SYNJ2: variants seen among roughly 807,000 people sequenced by gnomAD.
SYNJ2 encodes the protein synaptojanin 2.
SYNJ2 carries 116 observed loss-of-function variants against 141.3 expected under a neutral mutation model. The ratio of observed to expected loss-of-function variants is 0.82; its 90% CI spans 0.71 to 0.96. The LOEUF (loss-of-function observed/expected upper bound fraction) is 0.96. Ranked by LOEUF, SYNJ2 falls within the 40% of genes least tolerant of loss-of-function variation. The probability of loss-of-function intolerance (pLI) is 0.00; values close to 1 mark genes in which losing one functional copy is unlikely to be tolerated. For missense variants in SYNJ2, 1,873 were observed against 1,934.8 expected, an observed-to-expected ratio of 0.97 and a Z score of 0.60; for synonymous variants, 745 against 777.7, an observed-to-expected ratio of 0.96 and a Z score of 0.70.
At chr6:158,078,516 T>C (rs1437445847) in intron 18 of SYNJ2, 1 of 312,400 alleles carries the variant, frequency 3.2e-6, no homozygotes, top group Admixed American at 4.6e-5. Flanking sequence ...ATGACATCAT[T>C]GATGAAAATT....
chr6:158,067,872 C>T (rs1781660427), intron 12 of SYNJ2: 1 of 985,138 alleles, frequency 1.0e-6, no homozygotes, highest in Non-Finnish European at 1.2e-6. Context: ...CCGGAGCAGG[C>T]CCATCAACGC....
chr6:158,076,518 T>C (rs554681507), intron 16 of SYNJ2, 108 bp from the exon 17 acceptor site: 1 of 1,248,612 alleles, frequency 8.0e-7, no homozygotes, highest in Non-Finnish European at 1.1e-6. Flanking sequence ...TAATGGAGCT[T>C]CTGTTACTTT....
At chr6:157,981,497 C>A (rs1286453005), upstream of SYNJ2, among the ~76,000 whole-genome samples, 3 of 152,170 alleles carry the variant, frequency 2.0e-5, no homozygotes, top group Non-Finnish European at 4.4e-5. This position sits in a 1 kb window ranked among gnomAD's most constrained non-coding sequence, Gnocchi z 6.4. Flanking sequence ...GGAGGCGCAG[C>A]GCCCCCGGCG....
intron 15 of SYNJ2, among the ~76,000 whole-genome samples, chr6:158,072,898 C>G (rs1406450187): frequency 6.6e-6 from 1 of 151,750 alleles, no homozygotes; most frequent in Non-Finnish European, 1.5e-5. Context: ...GGTGAAACCC[C>G]ACCTCTACTG....
intron 5 of SYNJ2, among the ~76,000 whole-genome samples, chr6:158,048,780 C>T (rs1780392340): frequency 6.6e-6 from 1 of 152,122 alleles, no homozygotes. Flanking sequence ...GTAAATTCTC[C>T]CATCGTGGCC....
rs950972012 is a variant in SYNJ2, at chr6:158,010,692, C to T, written c.128-6512C>T. ...GGAGATAGGGTTGTTGCAGTTGTAA[C>T]GCTGAGATGAGATTATACTGGAGTA... On this transcript the variant is annotated intron_variant, in intron 1 of 26. Coordinates refer to ENST00000355585, the MANE Select transcript of SYNJ2 (RefSeq NM_003898.4). Among the ~76,000 whole-genome samples, 10 of 152,176 alleles carry T rather than the reference C, an allele frequency of 6.6e-5. No individual in the cohort carries two copies. In the East Asian group the frequency reaches 7.7e-4, roughly 12 times the overall value.
chr6:158,034,152 G>T (rs535927615), intron 4 of SYNJ2, among the ~76,000 whole-genome samples: 1 of 152,306 alleles, frequency 6.6e-6, no homozygotes, highest in South Asian at 2.1e-4. Context: ...TGAAATCTGC[G>T]TGTTAAGCAG....
At chr6:158,073,920 AAGAG>A (rs1782103043) in intron 15 of SYNJ2, among the ~76,000 whole-genome samples, 3 of 149,392 alleles carry the variant, frequency 2.0e-5, no homozygotes, top group Admixed American at 2.0e-4. Context: ...TTTTTAATCT[AAGAG>A]AGAGCTGGTG....
At chr6:158,058,654 C>T (rs959067462) in intron 6 of SYNJ2, among the ~76,000 whole-genome samples, 5 of 152,182 alleles carry the variant, frequency 3.3e-5, no homozygotes, top group Non-Finnish European at 7.3e-5. Context: ...AGCCCAGGCA[C>T]GGTGGCTTAT....
chr6:158,080,569 T>C (rs920124360), intron 18 of SYNJ2, among the ~76,000 whole-genome samples: 1 of 151,712 alleles, frequency 6.6e-6, no homozygotes, highest in Non-Finnish European at 1.5e-5. Flanking sequence ...ATTAAATCTT[T>C]GTCTGAATCC....
At chr6:158,033,327 AG>A in intron 3 of SYNJ2, 127 bp from the exon 4 acceptor site, 1 of 923,710 alleles carries the variant, frequency 1.1e-6, no homozygotes, top group Non-Finnish European at 1.6e-6. Context: ...ACTGGGGAGC[AG>A]CATGCATTCG....
chr6:158,078,401 G>A, intron 18 of SYNJ2, 120 bp downstream of exon 18: 2 of 665,348 alleles, frequency 3.0e-6, no homozygotes, highest in Non-Finnish European at 5.3e-6. Context: ...TGCATTTTGT[G>A]TGCATACAAT....
At chr6:157,990,790 G>A (rs1777393989) in intron 1 of SYNJ2, among the ~76,000 whole-genome samples, 2 of 152,152 alleles carry the variant, frequency 1.3e-5, no homozygotes, top group South Asian at 4.1e-4. Flanking sequence ...GGAGTAACCC[G>A]GAAGAGGCAA....
chr6:157,985,600 C>T (rs980809264), intron 1 of SYNJ2, among the ~76,000 whole-genome samples: 1 of 152,220 alleles, frequency 6.6e-6, no homozygotes, highest in East Asian at 1.9e-4. Context: ...CAAAAACCTA[C>T]TCCTGTCTCT....
chr6:158,047,054 G>C (rs1413451187), intron 5 of SYNJ2, among the ~76,000 whole-genome samples: 1 of 152,210 alleles, frequency 6.6e-6, no homozygotes, highest in Admixed American at 6.5e-5. Context: ...CGCCAAGTTT[G>C]TGGAGTCGTG....
At position 158,040,010 on chromosome 6, in the gene SYNJ2, T is replaced by C. The variant is rs1176629219; in HGVS notation, c.712-3306T>C. On this transcript the variant is annotated intron_variant, in intron 4 of 26. Transcript: ENST00000355585. This position sits in a 1 kb window ranked among gnomAD's most constrained non-coding sequence, Gnocchi z 4.2. Reference sequence around the variant, plus strand: ...CCGGACCAGGAGCAGACTGGCTCCCTGTGGTGGGGACTCTTGGCAGGCGGA... The same window carrying C: ...CCGGACCAGGAGCAGACTGGCTCCCCGTGGTGGGGACTCTTGGCAGGCGGA... 6.6e-6 allele frequency among the ~76,000 whole-genome samples: 1 copy of C among 152,194 alleles called. No homozygotes were observed. The highest frequency in any genetic ancestry group is 1.5e-5 in the Non-Finnish European group (1 of 68,030).
At chr6:158,091,768 A>G (rs1380107655) in intron 25 of SYNJ2, among the ~76,000 whole-genome samples, 1 of 151,846 alleles carries the variant, frequency 6.6e-6, no homozygotes, top group African/African-American at 2.4e-5. Context: ...AAAAAAAAAA[A>G]AGAATGAAGT....
chr6:158,003,098 A>G (rs1562316757), intron 1 of SYNJ2, among the ~76,000 whole-genome samples: 1 of 152,152 alleles, frequency 6.6e-6, no homozygotes, highest in African/African-American at 2.4e-5. Flanking sequence ...CGGGAAACCA[A>G]ACTTTCTTGT....
At chr6:158,083,738 A>G (rs1377936109) in intron 21 of SYNJ2, 141 bp downstream of exon 21, 9 of 1,155,296 alleles carry the variant, frequency 7.8e-6, no homozygotes, top group Non-Finnish European at 9.9e-6. Context: ...TGTGATGAGC[A>G]TGTTTGTATG....
Sources: gnomAD v4.1 joint callset for allele counts (sites outside exome capture counted in the v4.1 genomes callset) on GRCh38, gnomAD v4.1.1 for gene constraint, Gnocchi (gnomAD v3.1) non-coding constraint, MANE v1.5 for transcripts, NCBI Gene and HGNC (gene_info 2026-07-23, HGNC 2026-07-21) for gene names.